The following APBB2 variants were observed in gnomAD, a reference collection of about 807,000 sequenced individuals.
The protein encoded by APBB2 is amyloid beta precursor protein binding family B member 2.
APBB2 carries 38 observed loss-of-function variants against 82.5 expected under a neutral mutation model. That is an observed-to-expected ratio of 0.46 (90% CI 0.36 to 0.60). The LOEUF is 0.60. APBB2 is among the 20% of genes least tolerant of loss of function. The pLI is 0.00. For synonymous variants in APBB2, 341 were observed against 368.2 expected (o/e 0.93, Z 0.85); for missense variants, 772 against 972.3 (o/e 0.79, Z 2.74).
At chr4:40,991,488 G>A (rs983647023) in intron 6 of APBB2, among the ~76,000 whole-genome samples, 2 of 151,974 alleles carry the variant, frequency 1.3e-5, no homozygotes, top group African/African-American at 4.8e-5. Flanking sequence ...CTAGGCCAGA[G>A]TAAGTGATCC....
chr4:40,864,177 C>T (rs996180428), intron 12 of APBB2, among the ~76,000 whole-genome samples: 6 of 152,004 alleles, frequency 3.9e-5, no homozygotes, highest in Non-Finnish European at 7.4e-5. Context: ...TTGCTTGAAC[C>T]GGGAAGGTAG....
At position 41,000,069 on chromosome 4, in the gene APBB2, ATGTG is replaced by A. The variant is rs779111046; in HGVS notation, c.835+13510_835+13513del. On this transcript the variant is annotated intron_variant, in intron 6 of 17. Transcript: ENST00000508593. ...TATGTATATGTATATATATGTGTGTATGTGTGTGTGTGTGTGTGTGTGTGTGTGT... is the reference window on the plus strand; with the variant it reads ...TATGTATATGTATATATATGTGTGTATGTGTGTGTGTGTGTGTGTGTGTGT... 9.9e-3 allele frequency among the ~76,000 whole-genome samples: 1,300 copies of A among 130,660 alleles called. 10 individuals are homozygous for A. Among genetic ancestry groups the A allele is most frequent in the African/African-American group, 0.023 (731 of 32,118 alleles). 85.7% of individuals were successfully genotyped at this position (130,660 alleles called of 152,430 possible).
chr4:40,886,980 T>C (rs1324111015), intron 12 of APBB2, among the ~76,000 whole-genome samples: 1 of 152,042 alleles, frequency 6.6e-6, no homozygotes, highest in Non-Finnish European at 1.5e-5. Context: ...ATAAAGCAAA[T>C]GGGCCCCAAG....
intron 6 of APBB2, among the ~76,000 whole-genome samples, chr4:40,962,471 T>C (rs62410355): frequency 0.15 from 22,480 of 152,250 alleles, 2,147 homozygotes; most frequent in Non-Finnish European, 0.21. Flanking sequence ...AGGTCTCTTA[T>C]CGATGCTATT....
intron 2 of APBB2, among the ~76,000 whole-genome samples, chr4:41,115,367 C>A (rs1443694471): frequency 6.6e-6 from 1 of 152,160 alleles, no homozygotes; most frequent in African/African-American, 2.4e-5. Context: ...ATCATAAAAA[C>A]CCTAGAAGAA....
At chr4:40,884,944 A>G (rs1465472411) in intron 12 of APBB2, among the ~76,000 whole-genome samples, 1 of 152,248 alleles carries the variant, frequency 6.6e-6, no homozygotes, top group Non-Finnish European at 1.5e-5. Flanking sequence ...TCATTTGGAA[A>G]TTTATGAATA....
At chr4:40,979,080 G>C (rs534440557) in intron 6 of APBB2, among the ~76,000 whole-genome samples, 9 of 152,074 alleles carry the variant, frequency 5.9e-5, no homozygotes, top group Non-Finnish European at 1.3e-4. Flanking sequence ...CAATGAGTTC[G>C]GGTAACTTGA....
intron 5 of APBB2, among the ~76,000 whole-genome samples, chr4:41,032,941 T>C (rs903360889): frequency 1.3e-5 from 2 of 150,774 alleles, no homozygotes; most frequent in African/African-American, 4.9e-5. Flanking sequence ...CGCGCCACCA[T>C]GCCCGGCTAA....
Position 41,026,932 on chromosome 4 carries a change from GTC to G in APBB2, c.19+6302_19+6303del, listed in dbSNP as rs1248030929. On this transcript the variant is annotated intron_variant, in intron 5 of 17. Transcript: ENST00000508593. ...TCCTTCCTCAGGAAATGACCTTCAG[GTC>G]TCTCAAAAAAAAAGTATCAAAGAAC... Among the ~76,000 whole-genome samples, 3 of 151,576 alleles carry G rather than the reference GTC, an allele frequency of 2.0e-5. No individual in the cohort carries two copies. In the East Asian group the frequency reaches 5.8e-4, roughly 29 times the overall value.
At chr4:41,034,088 T>G (rs1037134917) in intron 4 of APBB2, among the ~76,000 whole-genome samples, 1 of 152,182 alleles carries the variant, frequency 6.6e-6, no homozygotes, top group Non-Finnish European at 1.5e-5. Context: ...TTTACAAATA[T>G]CTGAGCAAGT....
intron 12 of APBB2, 141 bp downstream of exon 12, chr4:40,890,223 A>G: frequency 8.5e-7 from 1 of 1,176,636 alleles, no homozygotes. Flanking sequence ...GGAACTAGAG[A>G]CAAGCTTTCA....
At chr4:40,959,770 TAC>T (rs1309248570) in intron 6 of APBB2, among the ~76,000 whole-genome samples, 2 of 152,204 alleles carry the variant, frequency 1.3e-5, no homozygotes, top group African/African-American at 2.4e-5. Context: ...ATAAACCATA[TAC>T]ATTTTATTTC....
intron 7 of APBB2, among the ~76,000 whole-genome samples, chr4:40,937,977 A>C (rs1785805816): frequency 6.6e-6 from 1 of 152,216 alleles, no homozygotes; most frequent in Non-Finnish European, 1.5e-5. Context: ...TAGGGGTGGG[A>C]GAGATGAAGG....
chr4:41,143,948 G>A (rs1444040403), intron 1 of APBB2, among the ~76,000 whole-genome samples: 1 of 152,182 alleles, frequency 6.6e-6, no homozygotes, highest in Non-Finnish European at 1.5e-5. Context: ...GAGGAATCAG[G>A]GCTTAAGGAA....
chr4:41,022,060 C>G (rs1035264172), intron 5 of APBB2, among the ~76,000 whole-genome samples: 2 of 152,164 alleles, frequency 1.3e-5, no homozygotes, highest in African/African-American at 4.8e-5. Flanking sequence ...GTGAGACTCA[C>G]GGCAAGGGTC....
At chr4:40,848,507 C>T (rs1363738606) in intron 12 of APBB2, among the ~76,000 whole-genome samples, 1 of 152,206 alleles carries the variant, frequency 6.6e-6, no homozygotes, top group African/African-American at 2.4e-5. Context: ...AGTTAATTGG[C>T]TCTGCTCAGG....
At chr4:40,876,190 T>C (rs973943937) in intron 12 of APBB2, among the ~76,000 whole-genome samples, 2 of 152,258 alleles carry the variant, frequency 1.3e-5, no homozygotes, top group African/African-American at 2.4e-5. Context: ...TTAAAACTTT[T>C]ATTTTAAGCA....
At chr4:40,934,801 G>C in intron 8 of APBB2, 102 bp from the exon 9 acceptor site, 1 of 856,142 alleles carries the variant, frequency 1.2e-6, no homozygotes, top group Non-Finnish European at 1.9e-6. Flanking sequence ...GAGGCAGAGA[G>C]TGTACGTGAG....
At chr4:40,828,224 C>A (rs1750623134) in intron 13 of APBB2, among the ~76,000 whole-genome samples, 1 of 152,222 alleles carries the variant, frequency 6.6e-6, no homozygotes, top group Non-Finnish European at 1.5e-5. Context: ...CTCTAAATTG[C>A]TTCTCTTCTG....
Sources: gnomAD v4.1 joint callset for allele counts (sites outside exome capture counted in the v4.1 genomes callset) on GRCh38, gnomAD v4.1.1 for gene constraint, MANE v1.5 for transcripts, NCBI Gene and HGNC (gene_info 2026-07-23, HGNC 2026-07-21) for gene names.